PHYHIPL: variants seen among roughly 807,000 people sequenced by gnomAD.
The protein encoded by PHYHIPL is phytanoyl-CoA hydroxylase-interacting protein-like.
A neutral mutation model predicts 33.4 loss-of-function variants in PHYHIPL; 9 were observed. The observed-to-expected ratio is 0.27, with a 90% confidence interval of 0.16 to 0.47. The LOEUF is 0.47. PHYHIPL is among the 20% of genes least tolerant of loss of function. The pLI, the probability that PHYHIPL is intolerant of heterozygous loss-of-function variation, is 0.99. For missense variants in PHYHIPL, 365 were observed against 460.7 expected, an observed-to-expected ratio of 0.79 and a Z score of 1.90; for synonymous variants, 153 against 154.1, an observed-to-expected ratio of 0.99 and a Z score of 0.05.
intron 1 of PHYHIPL, chr10:59,177,433 C>T (rs1337551540): frequency 2.0e-6 from 3 of 1,489,716 alleles, no homozygotes; most frequent in South Asian, 1.4e-5. Context: ...CCTCAGACTC[C>T]CCAAATTAAC....
At chr10:59,179,786 A>T (rs1838350193) in intron 1 of PHYHIPL, among the ~76,000 whole-genome samples, 2 of 151,784 alleles carry the variant, frequency 1.3e-5, no homozygotes, top group South Asian at 4.2e-4. Context: ...TTTCTGAAGA[A>T]TATGGGTTAG....
chr10:59,217,025 G>C (rs950835731), intron 1 of PHYHIPL, among the ~76,000 whole-genome samples: 1 of 151,938 alleles, frequency 6.6e-6, no homozygotes, highest in African/African-American at 2.4e-5. Context: ...ACTATTCTTG[G>C]AGTGAGATAC....
chr10:59,185,301 T>C (rs1444500838), intron 1 of PHYHIPL, among the ~76,000 whole-genome samples: 4 of 152,314 alleles, frequency 2.6e-5, no homozygotes, highest in Middle Eastern at 3.4e-3. Flanking sequence ...AACTCATCAT[T>C]TTTTATGGCT....
At chr10:59,198,058 T>A (rs138223122) in intron 1 of PHYHIPL, among the ~76,000 whole-genome samples, 80 of 152,214 alleles carry the variant, frequency 5.3e-4, no homozygotes, top group African/African-American at 1.8e-3. Context: ...GTAATCTTTT[T>A]TTATTATTAT....
At chr10:59,190,995 A>G (rs1838768699) in intron 1 of PHYHIPL, among the ~76,000 whole-genome samples, 1 of 151,910 alleles carries the variant, frequency 6.6e-6, no homozygotes, top group Admixed American at 6.6e-5. Context: ...AAATCTGGCA[A>G]CAACTTTTAC....
chr10:59,236,574 T>C lies in PHYHIPL; in HGVS notation c.395T>C (p.Val132Ala). 3 of 1,611,074 alleles carry C rather than the reference T, an allele frequency of 1.9e-6. No homozygotes were observed. Among genetic ancestry groups the C allele is most frequent in the Non-Finnish European group, 2.5e-6 (3 of 1,177,996 alleles). ...WFLSPRTEYTVAVQTASKQVD... is the reference protein window; with the variant it reads ...WFLSPRTEYTAAVQTASKQVD... The stretch of plus-strand genomic sequence containing the variant: ...TTAAGCCCAAGAACTGAATATACAG[T>C]AGCAGTGCAGACTGCCTCAAAACAA... The change falls in exon 3 of 5, where the codon GTA (valine) becomes GCA (alanine). Residue 132 changes from valine to alanine, a missense_variant. Val to Ala is a moderately conservative substitution (Grantham distance 64). Coordinates refer to ENST00000373880, the MANE Select transcript of PHYHIPL (RefSeq NM_032439.4).
intron 2 of PHYHIPL, 115 bp downstream of exon 2, chr10:59,234,615 G>A: frequency 3.0e-6 from 2 of 659,492 alleles, no homozygotes; most frequent in Non-Finnish European, 4.6e-6. Context: ...ATTTGACTTG[G>A]GAAAAAATAA....
At chr10:59,190,222 T>G (rs1209565926) in intron 1 of PHYHIPL, among the ~76,000 whole-genome samples, 1 of 152,004 alleles carries the variant, frequency 6.6e-6, no homozygotes, top group Admixed American at 6.6e-5. Context: ...TTCTGTATCT[T>G]ATTTTTATTG....
chr10:59,203,360 G>A lies in PHYHIPL; in HGVS notation c.106+26401G>A, dbSNP rs1262963357. On this transcript the variant is annotated intron_variant, in intron 1 of 4. Coordinates refer to ENST00000373880, the MANE Select transcript of PHYHIPL (RefSeq NM_032439.4). ...CAACCATTGTGGGAGACAGTGTGGCGATTCCTCAAGGATCTAGAACTAGAA... is the reference window on the plus strand; with the variant it reads ...CAACCATTGTGGGAGACAGTGTGGCAATTCCTCAAGGATCTAGAACTAGAA... 3.9e-5 allele frequency among the ~76,000 whole-genome samples: 6 copies of A among 152,234 alleles called. No individual in the cohort carries two copies. The East Asian group carries it at 1.2e-3, about 29-fold the overall frequency.
intron 1 of PHYHIPL, among the ~76,000 whole-genome samples, chr10:59,219,407 A>G (rs1030916688): frequency 6.6e-6 from 1 of 152,194 alleles, no homozygotes; most frequent in African/African-American, 2.4e-5. Flanking sequence ...GTAGGAATAA[A>G]TAAATTAAAA....
At chr10:59,206,885 T>G in intron 1 of PHYHIPL, 1 of 839,826 alleles carries the variant, frequency 1.2e-6, no homozygotes, top group South Asian at 3.1e-5. Flanking sequence ...TGTTTTTGAC[T>G]TCCCCAAATT....
At chr10:59,207,703 A>G (rs1317705749) in intron 1 of PHYHIPL, among the ~76,000 whole-genome samples, 3 of 152,118 alleles carry the variant, frequency 2.0e-5, no homozygotes. Flanking sequence ...CATCCTGGCT[A>G]ACACAGTGAA....
At chr10:59,208,607 G>A (rs1839355659) in intron 1 of PHYHIPL, among the ~76,000 whole-genome samples, 1 of 152,038 alleles carries the variant, frequency 6.6e-6, no homozygotes, top group African/African-American at 2.4e-5. Flanking sequence ...GCTTCAGAAG[G>A]TGGGTAATAA....
intron 1 of PHYHIPL, among the ~76,000 whole-genome samples, chr10:59,206,170 T>A (rs546918424): frequency 6.6e-6 from 1 of 152,316 alleles, no homozygotes; most frequent in South Asian, 2.1e-4. Context: ...AGCCTAAGGT[T>A]CTATTTTGAA....
At chr10:59,191,224 T>C (rs937672409) in intron 1 of PHYHIPL, among the ~76,000 whole-genome samples, 2 of 151,944 alleles carry the variant, frequency 1.3e-5, no homozygotes, top group African/African-American at 4.8e-5. Flanking sequence ...TCTCATTGAG[T>C]TAAATTGGAA....
chr10:59,179,270 T>G (rs1838336186), intron 1 of PHYHIPL, among the ~76,000 whole-genome samples: 1 of 152,172 alleles, frequency 6.6e-6, no homozygotes, highest in Non-Finnish European at 1.5e-5. Context: ...TGCTTTTTAC[T>G]CCCTTTGCTT....
At chr10:59,230,829 G>C (rs906745839) in intron 1 of PHYHIPL, among the ~76,000 whole-genome samples, 4 of 151,970 alleles carry the variant, frequency 2.6e-5, no homozygotes, top group African/African-American at 9.7e-5. Context: ...ATGGCGGGGG[G>C]GCTTCCAGAT....
At position 59,215,082 on chromosome 10, in the gene PHYHIPL, C is replaced by A. The variant is rs191432767; in HGVS notation, c.107-19222C>A. On this transcript the variant is annotated intron_variant, in intron 1 of 4. Transcript: ENST00000373880. ...TGTCTTCAGAATGATAAAACAAAAT[C>A]ATTAAAAATTATGTGGAAAGTTAAA... Among the ~76,000 whole-genome samples, 368 of 152,126 alleles carry A rather than the reference C, an allele frequency of 2.4e-3. 2 individuals are homozygous for A. The highest frequency in any genetic ancestry group is 8.3e-3 in the African/African-American group (343 of 41,558).
chr10:59,216,536 A>G (rs1286790344), intron 1 of PHYHIPL, among the ~76,000 whole-genome samples: 1 of 152,018 alleles, frequency 6.6e-6, no homozygotes, highest in African/African-American at 2.4e-5. Context: ...GATCAATGTG[A>G]CCTTCTTACT....
Sources: allele counts gnomAD v4.1 joint callset (sites outside exome capture counted in the v4.1 genomes callset), GRCh38; gene constraint gnomAD v4.1.1; transcripts MANE v1.5; gene names NCBI Gene and HGNC (gene_info 2026-07-23, HGNC 2026-07-21).